The following DDX10 variants were observed in gnomAD, a reference collection of about 807,000 sequenced individuals.
The protein encoded by DDX10 is DEAD-box helicase 10.
In DDX10, 74 loss-of-function variants were observed where a neutral mutation model predicts 104.3. The observed-to-expected ratio is 0.71, with a 90% CI of 0.59 to 0.86. DDX10 has a LOEUF of 0.86. Ranked by LOEUF, DDX10 falls within the 40% of genes least tolerant of loss-of-function variation. The pLI is 0.00. For missense variants in DDX10, 952 were observed against 1,040.0 expected, an observed-to-expected ratio of 0.92 and a Z score of 1.16; for synonymous variants, 351 against 353.4, an observed-to-expected ratio of 0.99 and a Z score of 0.08.
chr11:108,848,743 T>A (rs532190132), intron 15 of DDX10, among the ~76,000 whole-genome samples: 24 of 152,282 alleles, frequency 1.6e-4, no homozygotes, highest in East Asian at 5.8e-4. Flanking sequence ...GGGATTTTTT[T>A]AAAAACCATA....
At chr11:108,861,908 C>T (rs1862946256) in intron 16 of DDX10, among the ~76,000 whole-genome samples, 1 of 152,118 alleles carries the variant, frequency 6.6e-6, no homozygotes. Flanking sequence ...TGCCTGTAGT[C>T]CCAGCTACTT....
At chr11:108,786,352 G>A (rs941926941) in intron 13 of DDX10, among the ~76,000 whole-genome samples, 1 of 152,146 alleles carries the variant, frequency 6.6e-6, no homozygotes, top group Non-Finnish European at 1.5e-5. Context: ...GTATTCTGTA[G>A]ATGTTTATTA....
At chr11:108,916,957 C>A (rs1255327489) in intron 16 of DDX10, among the ~76,000 whole-genome samples, 8 of 151,982 alleles carry the variant, frequency 5.3e-5, no homozygotes. Flanking sequence ...TTGCTTTTCC[C>A]ATTTCTTGGT....
rs779190614 is a variant in DDX10 at position 108,902,311 on chromosome 11, C to T, written c.2305-15562C>T. On this transcript the variant is annotated intron_variant, in intron 16 of 17. Coordinates refer to ENST00000322536, the MANE Select transcript of DDX10 (RefSeq NM_004398.4). ...GAGGCTTAGGGCACAAAACTTCATG[C>T]CTACAAGCTATGTTTGAGCATTAAC... is the stretch of plus-strand genomic sequence containing the variant. Among the ~76,000 whole-genome samples, 3 of 152,132 alleles carry T rather than the reference C, an allele frequency of 2.0e-5. No individual in the cohort carries two copies. In the South Asian group the frequency reaches 6.2e-4, roughly 32 times the overall value.
At chr11:108,926,018 T>C (rs1200933818) in intron 17 of DDX10, among the ~76,000 whole-genome samples, 1 of 152,186 alleles carries the variant, frequency 6.6e-6, no homozygotes, top group African/African-American at 2.4e-5. Context: ...TGAAAACTAA[T>C]CAGGGAAAGT....
At chr11:108,774,239 A>C (rs779846502) in intron 13 of DDX10, among the ~76,000 whole-genome samples, 12 of 152,206 alleles carry the variant, frequency 7.9e-5, no homozygotes, top group Admixed American at 1.3e-4. Flanking sequence ...AGTGAGAATC[A>C]TTTGTTCATT....
chr11:108,865,685 C>T (rs1048361774), intron 16 of DDX10, among the ~76,000 whole-genome samples: 28 of 151,808 alleles, frequency 1.8e-4, no homozygotes, highest in African/African-American at 5.8e-4. Context: ...GGGGATGCAG[C>T]GAGATTTTGA....
intron 5 of DDX10, among the ~76,000 whole-genome samples, chr11:108,678,657 GCA>G (rs1451564050): frequency 6.6e-6 from 1 of 152,036 alleles, no homozygotes; most frequent in Non-Finnish European, 1.5e-5. Context: ...GTGAAATTAG[GCA>G]CGTTAGTATT....
At chr11:108,774,537 C>G (rs2094367358) in intron 13 of DDX10, among the ~76,000 whole-genome samples, 1 of 152,116 alleles carries the variant, frequency 6.6e-6, no homozygotes, top group Non-Finnish European at 1.5e-5. Context: ...GGTTTTGAAA[C>G]ATACCTGAGG....
At chr11:108,680,600 A>G (rs1020704092) in intron 6 of DDX10, among the ~76,000 whole-genome samples, 2 of 152,206 alleles carry the variant, frequency 1.3e-5, no homozygotes, top group African/African-American at 4.8e-5. Flanking sequence ...TTCCAGGAGA[A>G]ATGTTTTCCA....
At chr11:108,732,416 G>A (rs1193470845) in intron 13 of DDX10, among the ~76,000 whole-genome samples, 1 of 152,188 alleles carries the variant, frequency 6.6e-6, no homozygotes, top group African/African-American at 2.4e-5. Flanking sequence ...ATTGGGTAAT[G>A]TCAGTGTAAT....
At chr11:108,668,921 A>G (rs1280134550) in intron 1 of DDX10, among the ~76,000 whole-genome samples, 4 of 152,144 alleles carry the variant, frequency 2.6e-5, no homozygotes, top group Non-Finnish European at 5.9e-5. Flanking sequence ...GATGCATTAC[A>G]AAAAACATGC....
chr11:108,701,046 G>A (rs111479897), intron 9 of DDX10, among the ~76,000 whole-genome samples: 10 of 152,080 alleles, frequency 6.6e-5, no homozygotes, highest in African/African-American at 1.7e-4. Flanking sequence ...TCACTGTTGG[G>A]CCTGACATGG....
intron 10 of DDX10, among the ~76,000 whole-genome samples, chr11:108,712,594 C>T (rs758694765): frequency 1.6e-4 from 25 of 152,020 alleles, no homozygotes; most frequent in Non-Finnish European, 2.4e-4. Context: ...TCCCTCGTGT[C>T]CCTTATATCA....
At chr11:108,693,482 AC>A (rs1356965977) in intron 8 of DDX10, 33 bp from the exon 9 acceptor site, 2 of 1,536,620 alleles carry the variant, frequency 1.3e-6, no homozygotes, top group South Asian at 2.2e-5. Flanking sequence ...AGATCTTGCA[AC>A]CAGTTTCTTA....
intron 16 of DDX10, among the ~76,000 whole-genome samples, chr11:108,900,533 C>T (rs1863504201): frequency 6.6e-6 from 1 of 152,172 alleles, no homozygotes; most frequent in Non-Finnish European, 1.5e-5. Context: ...TAGTATAAGA[C>T]ACTTTATTTT....
At chr11:108,919,432 G>A (rs1345952251) in intron 17 of DDX10, 1 of 152,166 alleles carries the variant, frequency 6.6e-6, no homozygotes, top group East Asian at 1.9e-4. Flanking sequence ...TGAGTTCCTT[G>A]GTGTATGGTC....
At chr11:108,741,440 A>T (rs1206627142) in intron 13 of DDX10, among the ~76,000 whole-genome samples, 1 of 152,094 alleles carries the variant, frequency 6.6e-6, no homozygotes, top group Non-Finnish European at 1.5e-5. Flanking sequence ...CTGTGGGGAT[A>T]GAATGTTTTT....
At chr11:108,720,152 G>T (rs1183844662) in intron 12 of DDX10, among the ~76,000 whole-genome samples, 1 of 152,216 alleles carries the variant, frequency 6.6e-6, no homozygotes, top group Admixed American at 6.5e-5. Context: ...GTTTGTTAAA[G>T]ATTCTCAGTG....
Sources: allele counts gnomAD v4.1 joint callset (sites outside exome capture counted in the v4.1 genomes callset), GRCh38; gene constraint gnomAD v4.1.1; transcripts MANE v1.5; gene names NCBI Gene and HGNC (gene_info 2026-07-23, HGNC 2026-07-21).